SNW1: variants seen among roughly 807,000 people sequenced by gnomAD.
SNW1 encodes SNW domain-containing protein 1.
In SNW1, 9 loss-of-function variants were observed where a neutral mutation model predicts 75.6. The observed-to-expected ratio is 0.12, with a 90% CI of 0.07 to 0.21. The LOEUF is 0.21. Ranked by LOEUF, SNW1 falls within the 10% of genes least tolerant of loss-of-function variation. SNW1 has a pLI of 1.00. For missense variants in SNW1, 409 were observed against 670.9 expected, an observed-to-expected ratio of 0.61 and a Z score of 4.31; for synonymous variants, 200 against 219.1, an observed-to-expected ratio of 0.91 and a Z score of 0.77.
chr14:77,725,224 A>C (rs1483042477), intron 10 of SNW1, among the ~76,000 whole-genome samples: 2 of 152,188 alleles, frequency 1.3e-5, no homozygotes, highest in African/African-American at 2.4e-5. Context: ...GTTCTTGTAC[A>C]TTCTGGTTAT....
Position 77,738,358 on chromosome 14 carries a change from C to T in SNW1, c.533+420G>A, listed in dbSNP as rs543123274. Among the ~76,000 whole-genome samples the T allele has an allele frequency of 4.6e-5, 7 of 152,124 alleles. No individual in the cohort carries two copies. The South Asian group carries it at 6.2e-4, about 14-fold the overall frequency. On this transcript the variant is annotated intron_variant, in intron 5 of 13. Coordinates refer to ENST00000261531, the MANE Select transcript of SNW1 (RefSeq NM_012245.3). The stretch of plus-strand genomic sequence containing the variant: ...GTCTGGTGGCTCAAGTCTGTAATCT[C>T]AGCACTTTGGGATGACAAGGCAGGA...
At chr14:77,726,107 G>C (rs1480764896) in intron 10 of SNW1, among the ~76,000 whole-genome samples, 1 of 151,920 alleles carries the variant, frequency 6.6e-6, no homozygotes, top group East Asian at 1.9e-4. Flanking sequence ...GGATTGCTTT[G>C]GTTATTTGGG....
chr14:77,743,936 AAAAC>A (rs1217770614), intron 3 of SNW1, among the ~76,000 whole-genome samples: 1 of 152,150 alleles, frequency 6.6e-6, no homozygotes, highest in Non-Finnish European at 1.5e-5. Context: ...CCACTTCTAG[AAAAC>A]AAACAAACAA....
Position 77,735,964 on chromosome 14 carries a change from C to G in SNW1, c.681G>C (p.Ala227=). The G allele has an allele frequency of 6.2e-7, 1 of 1,613,798 alleles. No individual in the cohort carries two copies. Residue 227 remains alanine (A), a synonymous_variant, in exon 7 of 14, where the codon GCG becomes GCC. Coordinates refer to ENST00000261531, the MANE Select transcript of SNW1 (RefSeq NM_012245.3). ...KIPRGPPSPP[A]PVMHSPSRKM... ...TTCGGCTAGGAGAATGCATGACAGG[C>G]GCAGGAGGAGAAGGTGGTCCCCGGG...
chr14:77,734,847 A>G (rs2080658058), intron 8 of SNW1, 100 bp downstream of exon 8: 1 of 775,080 alleles, frequency 1.3e-6, no homozygotes, highest in Admixed American at 2.5e-5. Context: ...GCTCAGTTAA[A>G]CCACGTGTTG....
intron 5 of SNW1, among the ~76,000 whole-genome samples, chr14:77,738,072 G>GGA (rs968028401): frequency 2.0e-5 from 3 of 151,556 alleles, no homozygotes; most frequent in African/African-American, 7.3e-5. Flanking sequence ...TGGGACCTGA[G>GGA]GAGGATGGAT....
intron 3 of SNW1, among the ~76,000 whole-genome samples, chr14:77,746,732 A>C (rs2080763051): frequency 6.6e-6 from 1 of 152,218 alleles, no homozygotes; most frequent in Non-Finnish European, 1.5e-5. Flanking sequence ...GTACTAACAA[A>C]AATTGTCAAA....
At chr14:77,751,847 A>ACACCACG (rs1566836255) in intron 2 of SNW1, among the ~76,000 whole-genome samples, 1 of 124,844 alleles carries the variant, frequency 8.0e-6, no homozygotes, top group African/African-American at 2.9e-5. Flanking sequence ...CACACACACC[A>ACACCACG]CACACACACA....
At position 77,720,664 on chromosome 14, in the gene SNW1, T is replaced by C. The variant is rs1261549436; in HGVS notation, c.1248+47A>G. ...ATGTTAATTTTCGTTTCCCTGAGGA[T>C]AGGTATTCACATCAACACACACAAT... On this transcript the variant is annotated intron_variant, in intron 12 of 13. Coordinates refer to ENST00000261531, the MANE Select transcript of SNW1 (RefSeq NM_012245.3). The C allele has an allele frequency of 2.5e-6, 3 of 1,191,982 alleles. No individual in the cohort carries two copies. In the South Asian group the frequency reaches 3.6e-5, roughly 14 times the overall value. 73.8% of individuals were successfully genotyped at this position (1,191,982 alleles called of 1,614,324 possible).
At chr14:77,748,067 G>A (rs1046696962) in intron 3 of SNW1, among the ~76,000 whole-genome samples, 13 of 152,354 alleles carry the variant, frequency 8.5e-5, no homozygotes, top group African/African-American at 3.1e-4. Context: ...TCTGTACTAA[G>A]AAAAATTCTT....
At chr14:77,722,816 A>G in intron 11 of SNW1, 1 of 403,978 alleles carries the variant, frequency 2.5e-6, no homozygotes, top group Non-Finnish European at 4.7e-6. Context: ...CAAAAAGGCC[A>G]CTCTTCATGA....
chr14:77,760,105 C>T (rs1489948731), intron 1 of SNW1, among the ~76,000 whole-genome samples: 1 of 152,086 alleles, frequency 6.6e-6, no homozygotes, highest in Non-Finnish European at 1.5e-5. Context: ...TGTTTTATGT[C>T]TGTATACCTT....
At chr14:77,721,646 G>GT (rs1159200122) in intron 11 of SNW1, among the ~76,000 whole-genome samples, 1 of 151,762 alleles carries the variant, frequency 6.6e-6, no homozygotes, top group Non-Finnish European at 1.5e-5. Flanking sequence ...ACTCTCAAGA[G>GT]TAAGAGTCTT....
chr14:77,741,096 C>CAA (rs60307573), intron 3 of SNW1, among the ~76,000 whole-genome samples: 33 of 87,228 alleles, frequency 3.8e-4, no homozygotes, highest in African/African-American at 7.3e-4. Flanking sequence ...AAACTGTCTC[C>CAA]AAAAAAAAAA....
At chr14:77,733,742 C>CA (rs35483765) in intron 8 of SNW1, among the ~76,000 whole-genome samples, 772 of 64,846 alleles carry the variant, frequency 0.012, 88 homozygotes, top group Middle Eastern at 0.047. Context: ...GAGACCGTCT[C>CA]AAAAAAAAAA....
chr14:77,720,062 A>G (rs2080526478), intron 12 of SNW1, among the ~76,000 whole-genome samples: 1 of 152,234 alleles, frequency 6.6e-6, no homozygotes, highest in Admixed American at 6.5e-5. Flanking sequence ...TTACAGCTTC[A>G]TTTTTAAAAG....
At chr14:77,740,126 A>G (rs1963833) in intron 3 of SNW1, among the ~76,000 whole-genome samples, 2 of 115,526 alleles carry the variant, frequency 1.7e-5, no homozygotes, top group Admixed American at 1.0e-4. Flanking sequence ...AGAGCAAGAC[A>G]CTGTATATTA....
Position 77,754,969 on chromosome 14 carries a change from C to A in SNW1, c.166G>T (p.Glu56Ter). 1 of 1,590,784 alleles carries A rather than the reference C, an allele frequency of 6.3e-7. No homozygotes were observed. The highest frequency in any genetic ancestry group is 2.3e-5 in the East Asian group (1 of 44,306). The change falls in exon 2 of 14, where the codon GAG (glutamate) becomes TAG (stop). Residue 56 changes from glutamate to a stop codon, truncating the protein, a stop_gained and splice_region_variant. Coordinates refer to ENST00000261531, the MANE Select transcript of SNW1 (RefSeq NM_012245.3). LOFTEE classifies it high-confidence loss of function. ...YRKGWIPRLL[E>*]DFGDGGAFPE... is the part of the protein sequence containing the mutation. ...CTAAACTTAAGATCTATATGTACCT[C>A]TAATAACCGAGGTATCCAGCCTTTC...
chr14:77,732,634 A>C, intron 8 of SNW1, 33 bp from the exon 9 acceptor site: 1 of 1,134,540 alleles, frequency 8.8e-7, no homozygotes, highest in Non-Finnish European at 1.3e-6. Flanking sequence ...ACCCAGTCAC[A>C]GAAGTGCTTC....
Sources: gnomAD v4.1 joint callset for allele counts (sites outside exome capture counted in the v4.1 genomes callset) on GRCh38, gnomAD v4.1.1 for gene constraint, MANE v1.5 for transcripts, NCBI Gene and HGNC (gene_info 2026-07-23, HGNC 2026-07-21) for gene names.